Variants in NBEAL1 observed in about 807,000 individuals in gnomAD.
The protein encoded by NBEAL1 is neurobeachin-like protein 1.
NBEAL1 carries 273 observed loss-of-function variants against 351.3 expected under a neutral mutation model. The ratio of observed to expected loss-of-function variants is 0.78; its 90% CI spans 0.70 to 0.86. The LOEUF (loss-of-function observed/expected upper bound fraction) is 0.86, where lower values mean the gene tolerates loss of function less well. Ranked by LOEUF, NBEAL1 falls within the 40% of genes least tolerant of loss-of-function variation. NBEAL1 has a pLI of 0.00. For synonymous variants in NBEAL1, 1,050 were observed against 1,086.4 expected (o/e 0.97, Z 0.66); for missense variants, 2,961 against 3,201.3 (o/e 0.92, Z 1.81).
chr2:203,217,499 A>C lies in NBEAL1; in HGVS notation c.*145A>C. 1 of 1,291,178 alleles carries C rather than the reference A, an allele frequency of 7.7e-7. No homozygotes were observed. Among genetic ancestry groups the C allele is most frequent in the East Asian group, 2.9e-5 (1 of 34,388 alleles). 80.0% of individuals were successfully genotyped at this position (1,291,178 alleles called of 1,614,324 possible). A position where few individuals can be genotyped will look rare whatever the true frequency, so the allele number is the denominator to read the frequency against. On this transcript the variant is annotated 3_prime_UTR_variant, in exon 56 of 56. Coordinates refer to ENST00000683969, the MANE Select transcript of NBEAL1 (RefSeq NM_001378026.1). ...ATAACCACAATTTGCTGTGGTATAT[A>C]AACTAATTCTTGGTCTATACTAAGA... is the stretch of plus-strand genomic sequence containing the variant.
chr2:203,172,983 T>C (rs2064372606), intron 41 of NBEAL1, 130 bp downstream of exon 41: 10 of 606,388 alleles, frequency 1.6e-5, no homozygotes, highest in Non-Finnish European at 2.1e-5. Context: ...AGTCTGATAA[T>C]TACTTCACTA....
chr2:203,016,497 C>G (rs2060683012), intron 2 of NBEAL1, 62 bp downstream of exon 2: 1 of 1,029,382 alleles, frequency 9.7e-7, no homozygotes, highest in African/African-American at 1.6e-5. Context: ...TTGTGACTGG[C>G]AGTAGTAACA....
intron 3 of NBEAL1, among the ~76,000 whole-genome samples, chr2:203,044,838 A>G (rs1351752332): frequency 1.3e-5 from 2 of 152,208 alleles, no homozygotes; most frequent in Non-Finnish European, 2.9e-5. Context: ...TTACTAGAAT[A>G]TAAAGCCTTT....
chr2:203,099,460 G>T (rs1322041087), intron 11 of NBEAL1, among the ~76,000 whole-genome samples, 169 bp from the exon 12 acceptor site: 2 of 152,026 alleles, frequency 1.3e-5, no homozygotes, highest in Non-Finnish European at 2.9e-5. Context: ...CTTTTAAATA[G>T]GTAACTTTCC....
At chr2:203,068,630 T>G (rs2061632172) in intron 7 of NBEAL1, among the ~76,000 whole-genome samples, 155 bp downstream of exon 7, 1 of 152,236 alleles carries the variant, frequency 6.6e-6, no homozygotes, top group South Asian at 2.1e-4. Flanking sequence ...GATTTGTGTT[T>G]GGCTGCAATT....
chr2:203,088,932 G>A (rs555746799), intron 10 of NBEAL1, among the ~76,000 whole-genome samples: 105 of 152,306 alleles, frequency 6.9e-4, no homozygotes, highest in African/African-American at 2.4e-3. Flanking sequence ...CCAAGTATGT[G>A]TGTGGGTGTA....
intron 17 of NBEAL1, among the ~76,000 whole-genome samples, chr2:203,114,162 G>A (rs1016494732): frequency 1.3e-5 from 2 of 152,036 alleles, no homozygotes; most frequent in Non-Finnish European, 2.9e-5. Flanking sequence ...CTCAGACTAC[G>A]GCCCCATCCC....
intron 42 of NBEAL1, among the ~76,000 whole-genome samples, chr2:203,180,175 T>C (rs2064660834): frequency 6.6e-6 from 1 of 152,180 alleles, no homozygotes; most frequent in Non-Finnish European, 1.5e-5. Flanking sequence ...TGATTAAAAT[T>C]AGAGTATTTA....
intron 19 of NBEAL1, 87 bp from the exon 20 acceptor site, chr2:203,125,265 C>A: frequency 1.0e-6 from 1 of 964,644 alleles, no homozygotes; most frequent in Non-Finnish European, 1.4e-6. Flanking sequence ...GTTTATCTAG[C>A]AGATTATAAC....
chr2:203,088,916 A>T (rs2062015071), intron 10 of NBEAL1, among the ~76,000 whole-genome samples: 1 of 152,176 alleles, frequency 6.6e-6, no homozygotes, highest in Non-Finnish European at 1.5e-5. Flanking sequence ...ATACCCCAAG[A>T]ATTAACCAAG....
At chr2:203,123,872 C>T (rs1377259207) in intron 19 of NBEAL1, among the ~76,000 whole-genome samples, 7 of 151,902 alleles carry the variant, frequency 4.6e-5, no homozygotes, top group Non-Finnish European at 1.0e-4. Context: ...ATGTGGAAAT[C>T]AAAAAGCAAC....
At chr2:203,034,850 T>TGG (rs35043002) in intron 2 of NBEAL1, among the ~76,000 whole-genome samples, 1 of 148,864 alleles carries the variant, frequency 6.7e-6, no homozygotes, top group African/African-American at 2.4e-5. Context: ...AATGTTTCTG[T>TGG]GGGGGGAATT....
intron 51 of NBEAL1, among the ~76,000 whole-genome samples, chr2:203,207,354 G>T (rs1470703644): frequency 6.6e-6 from 1 of 151,402 alleles, no homozygotes; most frequent in Admixed American, 6.6e-5. Flanking sequence ...CTGCCCGGCC[G>T]CCCCTACTGG....
chr2:203,163,173 G>C (rs2064021997), intron 36 of NBEAL1, among the ~76,000 whole-genome samples: 1 of 152,016 alleles, frequency 6.6e-6, no homozygotes, highest in Non-Finnish European at 1.5e-5. Context: ...GAAATAAACA[G>C]ATAAATAAAT....
In NBEAL1 at chr2:203,148,972, T is replaced by G; in HGVS notation, c.5305-19T>G. On this transcript the variant is annotated intron_variant, in intron 33 of 55. Coordinates refer to ENST00000683969, the MANE Select transcript of NBEAL1 (RefSeq NM_001378026.1). ...TAAATATATGAGTCAATGACCTTAC[T>G]TTTTATTGTTTCTTTCAGGAGCTGT... is the stretch of plus-strand genomic sequence containing the variant. The G allele has an allele frequency of 6.3e-7, 1 of 1,596,168 alleles. No individual in the cohort carries two copies. Among genetic ancestry groups the G allele is most frequent in the Non-Finnish European group, 8.5e-7 (1 of 1,171,370 alleles).
At chr2:203,022,384 T>TTTTTA (rs914992508) in intron 2 of NBEAL1, among the ~76,000 whole-genome samples, 4 of 152,080 alleles carry the variant, frequency 2.6e-5, no homozygotes, top group African/African-American at 4.8e-5. Flanking sequence ...TTTAAAAAAT[T>TTTTTA]TTTTATTTTA....
intron 36 of NBEAL1, 137 bp from the exon 37 acceptor site, chr2:203,166,012 A>G: frequency 1.4e-6 from 1 of 709,538 alleles, no homozygotes. Flanking sequence ...GTGCCACTGC[A>G]CTCCAGCCTG....
At chr2:203,192,271 C>T (rs1324308183) in intron 46 of NBEAL1, among the ~76,000 whole-genome samples, 1 of 152,084 alleles carries the variant, frequency 6.6e-6, no homozygotes, top group Admixed American at 6.5e-5. Flanking sequence ...TTCACACCTG[C>T]TTTACCTTTC....
Position 203,135,991 on chromosome 2 carries a change from T to G in NBEAL1, c.4128T>G (p.Asp1376Glu). The change falls in exon 28 of 56, where the codon GAT (aspartate) becomes GAG (glutamate). Residue 1376 changes from aspartate (D) to glutamate (E), a missense_variant. Asp to Glu is a conservative substitution (Grantham distance 45). Coordinates refer to ENST00000683969, the MANE Select transcript of NBEAL1 (RefSeq NM_001378026.1). ...CAAACACACCATTATTTCCAGAAGATAGCTCTGTGGGAGAATTGTCTTTCA... is the reference window on the plus strand; with the variant it reads ...CAAACACACCATTATTTCCAGAAGAGAGCTCTGTGGGAGAATTGTCTTTCA... ...LDSNTPLFPE[D>E]SSVGELSFKS... 6.2e-7 allele frequency: 1 copy of G among 1,613,824 alleles called. No individual in the cohort carries two copies. The highest frequency in any genetic ancestry group is 8.5e-7 in the Non-Finnish European group (1 of 1,179,816).
Sources: allele counts gnomAD v4.1 joint callset (sites outside exome capture counted in the v4.1 genomes callset), GRCh38; gene constraint gnomAD v4.1.1; transcripts MANE v1.5; gene names NCBI Gene and HGNC (gene_info 2026-07-23, HGNC 2026-07-21).